CPA6: variants seen among roughly 807,000 people sequenced by gnomAD.
CPA6 encodes the protein carboxypeptidase A6.
CPA6 carries 58 observed loss-of-function variants against 63.3 expected under a neutral mutation model. That is an observed-to-expected ratio of 0.92 (90% CI 0.74 to 1.14). The LOEUF (loss-of-function observed/expected upper bound fraction) is 1.14. Among genes scored for constraint, CPA6 ranks in the 50% most tolerant of loss-of-function variants. The pLI, the probability that CPA6 is intolerant of heterozygous loss-of-function variation, is 0.00. For synonymous variants in CPA6, 185 were observed against 179.0 expected (o/e 1.03, Z -0.27); for missense variants, 565 against 526.6 (o/e 1.07, Z -0.71).
intron 2 of CPA6, among the ~76,000 whole-genome samples, chr8:67,589,113 TA>T (rs146171487): frequency 0.075 from 10,573 of 140,280 alleles, 623 homozygotes; most frequent in African/African-American, 0.17. Context: ...GCAAGACTCT[TA>T]AAAAAAAAAA....
chr8:67,679,897 T>C (rs1408940551), intron 1 of CPA6, among the ~76,000 whole-genome samples: 1 of 152,188 alleles, frequency 6.6e-6, no homozygotes, highest in South Asian at 2.1e-4. Flanking sequence ...GCTACAATTG[T>C]TAATGGTGAT....
intron 1 of CPA6, among the ~76,000 whole-genome samples, chr8:67,701,342 G>C (rs117083469): frequency 5.2e-4 from 79 of 152,212 alleles, no homozygotes; most frequent in African/African-American, 1.8e-3. Flanking sequence ...ATCTCTCAGG[G>C]TGTCACGAAG....
At chr8:67,543,774 C>CTATTAT (rs56764745) in intron 2 of CPA6, among the ~76,000 whole-genome samples, 21,226 of 146,720 alleles carry the variant, frequency 0.14, 1,763 homozygotes, top group South Asian at 0.3. Flanking sequence ...TCCCCCTCCA[C>CTATTAT]TATTATTATT....
intron 2 of CPA6, among the ~76,000 whole-genome samples, chr8:67,600,666 G>T (rs1814473320): frequency 6.6e-6 from 1 of 152,084 alleles, no homozygotes; most frequent in Non-Finnish European, 1.5e-5. Flanking sequence ...TCTCTTAGTA[G>T]CCAAGTCAAA....
At chr8:67,671,496 T>C (rs754067867) in intron 1 of CPA6, among the ~76,000 whole-genome samples, 4 of 151,676 alleles carry the variant, frequency 2.6e-5, no homozygotes, top group Non-Finnish European at 4.4e-5. Flanking sequence ...ATACCTAAGC[T>C]ATAAAAATAC....
At chr8:67,468,568 G>A (rs918562008) in intron 8 of CPA6, among the ~76,000 whole-genome samples, 1 of 144,394 alleles carries the variant, frequency 6.9e-6, no homozygotes, top group African/African-American at 2.8e-5. Flanking sequence ...CGACAAGAGC[G>A]AGACTCTGTC....
At chr8:67,701,765 G>C (rs1302433934) in intron 1 of CPA6, among the ~76,000 whole-genome samples, 1 of 152,200 alleles carries the variant, frequency 6.6e-6, no homozygotes, top group African/African-American at 2.4e-5. Context: ...CAACCTCAGG[G>C]TGGCAAACAA....
At chr8:67,693,594 C>T (rs77718315) in intron 1 of CPA6, among the ~76,000 whole-genome samples, 2,089 of 152,278 alleles carry the variant, frequency 0.014, 37 homozygotes, top group African/African-American at 0.046. Context: ...AGAGGCCCCA[C>T]GAATGGGATT....
At chr8:67,511,484 C>T (rs1301322657) in intron 4 of CPA6, 57 bp downstream of exon 4, 11 of 957,134 alleles carry the variant, frequency 1.1e-5, no homozygotes, top group Non-Finnish European at 1.9e-5. Context: ...CTCCCTTAGA[C>T]CTAAATGATA....
At chr8:67,690,384 T>G (rs1418861948) in intron 1 of CPA6, among the ~76,000 whole-genome samples, 1 of 152,216 alleles carries the variant, frequency 6.6e-6, no homozygotes, top group Non-Finnish European at 1.5e-5. Flanking sequence ...ATTAGAAGTT[T>G]AAAGATCTGT....
intron 8 of CPA6, among the ~76,000 whole-genome samples, chr8:67,462,376 T>G (rs1810833365): frequency 6.6e-6 from 1 of 152,226 alleles, no homozygotes; most frequent in African/African-American, 2.4e-5. Context: ...TATAGTATTT[T>G]ACTATATAAT....
At chr8:67,472,924 G>A (rs537900749) in intron 8 of CPA6, among the ~76,000 whole-genome samples, 2 of 152,248 alleles carry the variant, frequency 1.3e-5, no homozygotes, top group East Asian at 1.9e-4. Flanking sequence ...CACAAAATGA[G>A]TCTCAAGCAT....
intron 2 of CPA6, among the ~76,000 whole-genome samples, chr8:67,606,151 G>C (rs1312221159): frequency 7.1e-6 from 1 of 140,482 alleles, no homozygotes; most frequent in African/African-American, 2.6e-5. Flanking sequence ...ATGGACACAG[G>C]AAGGGGAACA....
At chr8:67,697,348 G>A (rs970705411) in intron 1 of CPA6, among the ~76,000 whole-genome samples, 1 of 152,160 alleles carries the variant, frequency 6.6e-6, no homozygotes, top group Admixed American at 6.5e-5. Context: ...CAGAGGCAAT[G>A]TGCTCTCATG....
intron 6 of CPA6, among the ~76,000 whole-genome samples, chr8:67,501,192 T>C (rs1420417840): frequency 6.6e-6 from 1 of 152,128 alleles, no homozygotes; most frequent in Non-Finnish European, 1.5e-5. Context: ...AATCTCCCAA[T>C]CCATGAATGT....
chr8:67,552,991 C>T (rs1051474983), intron 2 of CPA6, among the ~76,000 whole-genome samples: 12 of 151,650 alleles, frequency 7.9e-5, no homozygotes, highest in African/African-American at 2.9e-4. Flanking sequence ...TTACAAAATG[C>T]TAATGTCACA....
chr8:67,470,284 C>A (rs113772137), intron 8 of CPA6, among the ~76,000 whole-genome samples: 3,265 of 152,202 alleles, frequency 0.021, 116 homozygotes, highest in African/African-American at 0.073. Context: ...CCCACCTCAG[C>A]CTCCCGAAGT....
intron 8 of CPA6, among the ~76,000 whole-genome samples, chr8:67,455,143 G>A (rs1052856351): frequency 6.6e-6 from 1 of 152,198 alleles, no homozygotes; most frequent in Non-Finnish European, 1.5e-5. Flanking sequence ...ATAATAAGAT[G>A]TAAACTAGGC....
At chr8:67,594,213 C>A (rs1214912877) in intron 2 of CPA6, among the ~76,000 whole-genome samples, 8 of 152,190 alleles carry the variant, frequency 5.3e-5, no homozygotes, top group Non-Finnish European at 2.9e-5. Context: ...AGATTGGCCC[C>A]CACTCTCTTC....
Sources: gnomAD v4.1 joint callset for allele counts (sites outside exome capture counted in the v4.1 genomes callset) on GRCh38, gnomAD v4.1.1 for gene constraint, MANE v1.5 for transcripts, NCBI Gene and HGNC (gene_info 2026-07-23, HGNC 2026-07-21) for gene names.